The following SPTBN2 variants were observed in gnomAD, a reference collection of about 807,000 sequenced individuals.
SPTBN2 encodes the protein spectrin beta chain, non-erythrocytic 2.
In SPTBN2, 107 loss-of-function variants were observed where a neutral mutation model predicts 284.2. That is an observed-to-expected ratio of 0.38 (90% CI 0.32 to 0.44). SPTBN2 has a LOEUF of 0.44. SPTBN2 is among the 20% of genes least tolerant of loss of function. SPTBN2 has a pLI of 1.00. For synonymous variants in SPTBN2, 1,289 were observed against 1,354.8 expected (o/e 0.95, Z 1.07); for missense variants, 2,569 against 3,287.1 (o/e 0.78, Z 5.34).
chr11:66,685,562 T>C lies in SPTBN2; in HGVS notation c.*309A>G, dbSNP rs189134943. 1.1e-4 allele frequency: 41 copies of C among 389,484 alleles called. 1 individual carries two copies. Among genetic ancestry groups the C allele is most frequent in the Non-Finnish European group, 1.7e-4 (34 of 203,946 alleles). 24.1% of individuals were successfully genotyped at this position (389,484 alleles called of 1,614,324 possible). Reference sequence around the variant, plus strand: ...GCAGCCACTCCCCACATGGCCTATGTTGAGGGTGCGGCACTGTCCACACCG... The same window carrying C: ...GCAGCCACTCCCCACATGGCCTATGCTGAGGGTGCGGCACTGTCCACACCG... On this transcript the variant is annotated 3_prime_UTR_variant, in exon 38 of 38. Coordinates refer to ENST00000533211, the MANE Select transcript of SPTBN2 (RefSeq NM_006946.4). This position sits in a 1 kb window ranked among gnomAD's most constrained non-coding sequence, Gnocchi z 4.4.
At position 66,701,059 on chromosome 11, in the gene SPTBN2, G is replaced by T. The variant is rs1403976561; in HGVS notation, c.3040C>A (p.Arg1014=). The change falls in exon 17 of 38, where the codon CGG becomes AGG. Residue 1014 remains arginine, a synonymous_variant. Coordinates refer to ENST00000533211, the MANE Select transcript of SPTBN2 (RefSeq NM_006946.4). Reference sequence around the variant, plus strand: ...GCCTCTCGAGTCAGTTCGCCCACCCGGGCGGCGATGGCCTCCAGGTCCCGC... The same window carrying T: ...GCCTCTCGAGTCAGTTCGCCCACCCTGGCGGCGATGGCCTCCAGGTCCCGC... ...TERDLEAIAA[R]VGELTREANA... is the part of the protein sequence containing the mutation. 1 of 1,610,438 alleles carries T rather than the reference G, an allele frequency of 6.2e-7. No homozygotes were observed. The highest frequency in any genetic ancestry group is 1.1e-5 in the South Asian group (1 of 91,050).
chr11:66,713,524 T>C, intron 8 of SPTBN2, 107 bp downstream of exon 8: 1 of 824,236 alleles, frequency 1.2e-6, no homozygotes, highest in Non-Finnish European at 2.1e-6. Context: ...AGCCCCTGTA[T>C]CAGTTGGTGG....
chr11:66,702,854 C>A (rs1383445517), intron 15 of SPTBN2, among the ~76,000 whole-genome samples: 1 of 136,318 alleles, frequency 7.3e-6, no homozygotes. Context: ...AGGAGAATGG[C>A]GTGAACCCGG....
Position 66,701,105 on chromosome 11 carries a change from C to T in SPTBN2, c.2994G>A (p.Gln998=). The T allele has an allele frequency of 1.2e-6, 2 of 1,612,968 alleles. No individual in the cohort carries two copies. The highest frequency in any genetic ancestry group is 1.7e-6 in the Non-Finnish European group (2 of 1,180,038). Residue 998 remains glutamine, a synonymous_variant, in exon 17 of 38, where the codon CAG becomes CAA. Transcript: ENST00000533211. ...GNDLAGVLAL[Q]RKLAGTERDL... is the part of the protein sequence containing the mutation. The stretch of plus-strand genomic sequence containing the variant: ...CCCGCTCCGTGCCGGCCAGCTTGCG[C>T]TGCAGGGCCAGCACCCCAGCCAGAT...
chr11:66,742,942 A>G (rs944596129), intron 1 of SPTBN2, among the ~76,000 whole-genome samples: 3 of 152,224 alleles, frequency 2.0e-5, no homozygotes, highest in African/African-American at 7.2e-5. Context: ...ACCATCCTCA[A>G]TACCTTGGTT....
rs753498663 is a variant in SPTBN2, at chr11:66,687,522, C to T, written c.6627G>A (p.Pro2209=). ...STESAHAATL[P]PRGPEPSAQE... is the part of the protein sequence containing the mutation. ...GGGCAGATGGCTCTGGGCCTCGAGG[C>T]GGCAGGGTGGCAGCATGGGCTGACT... Residue 2209 remains proline, a synonymous_variant, in exon 35 of 38, where the codon CCG becomes CCA. Coordinates refer to ENST00000533211, the MANE Select transcript of SPTBN2 (RefSeq NM_006946.4). The surrounding 1 kb of genome is among the most constrained non-coding windows in gnomAD (Gnocchi z 5.2). 40 of 1,611,980 alleles carry T rather than the reference C, an allele frequency of 2.5e-5. No homozygotes were observed. The East Asian group carries it at 4.0e-4, about 16-fold the overall frequency.
At position 66,705,449 on chromosome 11, in the gene SPTBN2, C is replaced by T. The variant is rs776570497; in HGVS notation, c.1827G>A (p.Pro609=). Residue 609 remains proline (P), a synonymous_variant, in exon 15 of 38, where the codon CCG becomes CCA. Transcript: ENST00000533211. ...TGGCCACCCGCTCCGACACCAGCTG[C>T]GGGTCGCAAGGTCTATACTCTGAGA... is the stretch of plus-strand genomic sequence containing the variant. ...NPGKEYRPCD[P]QLVSERVAKL... 14 of 1,612,920 alleles carry T rather than the reference C, an allele frequency of 8.7e-6. No individual in the cohort carries two copies. The highest frequency in any genetic ancestry group is 2.2e-5 in the East Asian group (1 of 44,888).
Position 66,701,184 on chromosome 11 carries a change from G to A in SPTBN2, c.2915C>T (p.Ala972Val), listed in dbSNP as rs745652945. The A allele has an allele frequency of 3.1e-6, 5 of 1,613,052 alleles. No individual in the cohort carries two copies. The highest frequency in any genetic ancestry group is 2.5e-6 in the Non-Finnish European group (3 of 1,180,050). The change falls in exon 17 of 38, where the codon GCC becomes GTC. Residue 972 changes from alanine (A) to valine (V), a missense_variant. Coordinates refer to ENST00000533211, the MANE Select transcript of SPTBN2 (RefSeq NM_006946.4). ...GACTTTGGTCTTCTCTCTCATCCAG[G>A]CCTGGGTCTCCGTGCACTCTAAGTG... Reference protein sequence around the residue: ...NYHLECTETQAWMREKTKVIE... With the variant: ...NYHLECTETQVWMREKTKVIE...
In SPTBN2 at chr11:66,714,306, G is replaced by T. The variant is rs753995606; in HGVS notation, c.575+10C>A. 1.4e-5 allele frequency: 23 copies of T among 1,613,576 alleles called. No individual in the cohort carries two copies. Among genetic ancestry groups the T allele is most frequent in the East Asian group, 1.3e-4 (6 of 44,884 alleles). ...GACCCTCCAGTGCCACACGCCCAGG[G>T]TGTCCTCACCCTGCAGTCTTCATCT... is the stretch of plus-strand genomic sequence containing the variant. On this transcript the variant is annotated intron_variant, in intron 6 of 37. Transcript: ENST00000533211.
chr11:66,683,434 T>C lies in SPTBN2; in HGVS notation c.*2437A>G, dbSNP rs1939916465. On this transcript the variant is annotated 3_prime_UTR_variant, in exon 38 of 38. Coordinates refer to ENST00000533211, the MANE Select transcript of SPTBN2 (RefSeq NM_006946.4). ...GCTGCCTGCATTTATTGTATTTTTG[T>C]GTCTAACTTGTCTCATAGCCCTCAC... Among the ~76,000 whole-genome samples, 1 of 152,210 alleles carries C rather than the reference T, an allele frequency of 6.6e-6. No homozygotes were observed. The highest frequency in any genetic ancestry group is 1.5e-5 in the Non-Finnish European group (1 of 68,040).
At chr11:66,741,257 G>T (rs1443094845) in intron 1 of SPTBN2, among the ~76,000 whole-genome samples, 1 of 152,160 alleles carries the variant, frequency 6.6e-6, no homozygotes, top group African/African-American at 2.4e-5. Context: ...TTCTGATAGT[G>T]AATTAGTTCT....
rs748423415 is a variant in SPTBN2 at position 66,690,265 on chromosome 11, C to T, written c.5584G>A (p.Asp1862Asn). Residue 1862 changes from aspartate to asparagine, a missense_variant, in exon 28 of 38, where the codon GAC (aspartate) becomes AAC (asparagine). This residue lies in a region of SPTBN2 where 1,130 missense variants were observed against 1,317.3 expected (regional missense o/e 0.86). Coordinates refer to ENST00000533211, the MANE Select transcript of SPTBN2 (RefSeq NM_006946.4). ...LSPQVQQVQD[D>N]GHRLQKAYAG... ...TAGGCCTTCTGGAGCCGGTGGCCGT[C>T]GTCCTGCACCTGCTGGACCTGCGGA... 12 of 1,609,918 alleles carry T rather than the reference C, an allele frequency of 7.5e-6. No individual in the cohort carries two copies. Among genetic ancestry groups the T allele is most frequent in the Admixed American group, 1.7e-5 (1 of 59,854 alleles).
intron 8 of SPTBN2, among the ~76,000 whole-genome samples, chr11:66,711,731 A>G (rs1353269478): frequency 2.0e-5 from 3 of 152,234 alleles, no homozygotes; most frequent in East Asian, 1.9e-4. Context: ...CTGGAAATAC[A>G]TGGGCAGGCA....
Position 66,691,746 on chromosome 11 carries a change from C to T in SPTBN2, c.5191-88G>A, listed in dbSNP as rs1940566282. The T allele has an allele frequency of 4.4e-6, 7 of 1,584,300 alleles. No homozygotes were observed. The East Asian group carries it at 1.6e-4, about 35-fold the overall frequency. On this transcript the variant is annotated intron_variant, in intron 26 of 37. Transcript: ENST00000533211. The surrounding 1 kb of genome is among the most constrained non-coding windows in gnomAD (Gnocchi z 8.0). ...TGGAGCGAGTCCTCCACTCCAAACT[C>T]AGAACCCACCTCTCCCCGCTGCATG... is the stretch of plus-strand genomic sequence containing the variant.
intron 3 of SPTBN2, 47 bp from the exon 4 acceptor site, chr11:66,716,028 C>A (rs1942128950): frequency 1.9e-6 from 3 of 1,612,536 alleles, no homozygotes; most frequent in Non-Finnish European, 2.5e-6. Flanking sequence ...GTTCAGTATG[C>A]CTGCTTCTAA....
intron 8 of SPTBN2, among the ~76,000 whole-genome samples, chr11:66,711,380 G>A (rs1334695308): frequency 6.6e-6 from 1 of 152,212 alleles, no homozygotes; most frequent in Non-Finnish European, 1.5e-5. Flanking sequence ...TTTTAGGCTA[G>A]AATAATGTTT....
intron 1 of SPTBN2, among the ~76,000 whole-genome samples, chr11:66,723,514 GGTCAGGGTT>G (rs1403153299): frequency 8.5e-5 from 13 of 152,150 alleles, no homozygotes; most frequent in African/African-American, 2.9e-4. Context: ...CCTACTTGAA[GGTCAGGGTT>G]GTCTGCCCCT....
intron 15 of SPTBN2, among the ~76,000 whole-genome samples, chr11:66,702,543 G>A (rs1415429317): frequency 6.6e-6 from 1 of 152,176 alleles, no homozygotes; most frequent in African/African-American, 2.4e-5. Flanking sequence ...TAGGCTTCGT[G>A]AGCCATGCAG....
chr11:66,707,593 G>T lies in SPTBN2; in HGVS notation c.1576C>A (p.Arg526=). ...LRQMVAARRE[R]LLLNLELQKV... ...TGCAGCTCCAGGTTGAGGAGGAGCC[G>T]CTCCCGCCGGGCGGCCACCATCTGC... Residue 526 remains arginine (R), a synonymous_variant, in exon 13 of 38, where the codon CGG becomes AGG. Coordinates refer to ENST00000533211, the MANE Select transcript of SPTBN2 (RefSeq NM_006946.4). The surrounding 1 kb of genome is among the most constrained non-coding windows in gnomAD (Gnocchi z 4.9). 6.2e-7 allele frequency: 1 copy of T among 1,611,626 alleles called. No homozygotes were observed.
Sources: gnomAD v4.1 joint callset for allele counts (sites outside exome capture counted in the v4.1 genomes callset) on GRCh38, gnomAD v4.1.1 for gene constraint, gnomAD v4.1.1 regional missense constraint, Gnocchi (gnomAD v3.1) non-coding constraint, MANE v1.5 for transcripts, NCBI Gene and HGNC (gene_info 2026-07-23, HGNC 2026-07-21) for gene names.